PRKN: variants seen among roughly 807,000 people sequenced by gnomAD.
PRKN encodes parkin RBR E3 ubiquitin protein ligase.
In PRKN, 56 loss-of-function variants were observed where a neutral mutation model predicts 59.5. That is an observed-to-expected ratio of 0.94 (90% CI 0.76 to 1.18). The LOEUF (loss-of-function observed/expected upper bound fraction) is 1.18. PRKN is among the 50% of genes most tolerant of loss of function. PRKN has a pLI of 0.00. For missense variants in PRKN, 657 were observed against 596.4 expected (o/e 1.10, Z -1.06); for synonymous variants, 250 against 222.1 (o/e 1.13, Z -1.12).
At chr6:161,839,862 A>G (rs1450594883) in intron 6 of PRKN, among the ~76,000 whole-genome samples, 4 of 152,238 alleles carry the variant, frequency 2.6e-5, no homozygotes, top group Non-Finnish European at 5.9e-5. Context: ...AATGTATCCT[A>G]TTATAAAATT....
chr6:161,992,080 C>T (rs779010128), intron 5 of PRKN, among the ~76,000 whole-genome samples: 1 of 152,088 alleles, frequency 6.6e-6, no homozygotes, highest in Non-Finnish European at 1.5e-5. Context: ...TAGCTCACGC[C>T]TGTAATCCCA....
At chr6:161,900,900 A>G (rs1379286145) in intron 6 of PRKN, among the ~76,000 whole-genome samples, 1 of 129,486 alleles carries the variant, frequency 7.7e-6, no homozygotes, top group Non-Finnish European at 1.6e-5. Context: ...TATATAACAC[A>G]TATGTTAAAT....
intron 1 of PRKN, chr6:162,727,321 G>GGGGCGGCGGCGGGGCGAAGGTGAT: frequency 2.6e-6 from 1 of 380,912 alleles, no homozygotes; most frequent in South Asian, 3.8e-5. Flanking sequence ...GCGAAGGTGA[G>GGGGCGGCGGCGGGGCGAAGGTGAT]GGGCGGCGGC....
chr6:162,420,403 G>A (rs1021824558), intron 2 of PRKN, among the ~76,000 whole-genome samples: 2 of 152,142 alleles, frequency 1.3e-5, no homozygotes, highest in African/African-American at 4.8e-5. Flanking sequence ...CTTGGAATGA[G>A]TGCAAGTTGG....
At chr6:162,674,261 C>T (rs1261550149) in intron 1 of PRKN, among the ~76,000 whole-genome samples, 3 of 152,094 alleles carry the variant, frequency 2.0e-5, no homozygotes, top group Non-Finnish European at 4.4e-5. Flanking sequence ...AAAAGCCTAA[C>T]ATGGAAATGG....
chr6:162,444,055 A>G (rs1206058491), intron 1 of PRKN, among the ~76,000 whole-genome samples: 1 of 152,012 alleles, frequency 6.6e-6, no homozygotes, highest in Non-Finnish European at 1.5e-5. Flanking sequence ...GGGGGTGGAG[A>G]CACTAGTGAC....
At chr6:162,044,310 A>T (rs1784174714) in intron 5 of PRKN, among the ~76,000 whole-genome samples, 1 of 152,184 alleles carries the variant, frequency 6.6e-6, no homozygotes, top group South Asian at 2.1e-4. Flanking sequence ...ACGAAAAGGA[A>T]GTAATGCACC....
chr6:162,133,644 A>C (rs1781459612), intron 4 of PRKN, among the ~76,000 whole-genome samples: 1 of 152,160 alleles, frequency 6.6e-6, no homozygotes, highest in Non-Finnish European at 1.5e-5. Context: ...AATAATTTAA[A>C]AGGTATAATA....
chr6:162,209,159 A>G (rs1785085493), intron 3 of PRKN, among the ~76,000 whole-genome samples: 1 of 152,162 alleles, frequency 6.6e-6, no homozygotes, highest in Non-Finnish European at 1.5e-5. Flanking sequence ...TGAACAGACA[A>G]CCTACAGAAT....
chr6:162,537,045 G>C (rs1159370229), intron 1 of PRKN, among the ~76,000 whole-genome samples: 1 of 152,106 alleles, frequency 6.6e-6, no homozygotes, highest in Non-Finnish European at 1.5e-5. Flanking sequence ...ACTTCGAAAA[G>C]ATTCTCATAA....
intron 7 of PRKN, among the ~76,000 whole-genome samples, chr6:161,570,536 G>C (rs1042218074): frequency 6.6e-6 from 1 of 151,608 alleles, no homozygotes; most frequent in African/African-American, 2.4e-5. Flanking sequence ...GCTGTGAAGA[G>C]AATGAAGATG....
At chr6:161,425,373 C>T (rs117833737) in intron 9 of PRKN, among the ~76,000 whole-genome samples, 1 of 152,186 alleles carries the variant, frequency 6.6e-6, no homozygotes, top group Non-Finnish European at 1.5e-5. Context: ...ATCGCTGCAC[C>T]CATTGCAATC....
chr6:162,339,316 A>G (rs1477268360), intron 2 of PRKN, among the ~76,000 whole-genome samples: 22 of 134,726 alleles, frequency 1.6e-4, no homozygotes, highest in Admixed American at 1.5e-3. Flanking sequence ...CCGCCCGGCC[A>G]GCCGCGCCGT....
chr6:161,536,071 T>A (rs565539973), intron 9 of PRKN, among the ~76,000 whole-genome samples: 3 of 152,306 alleles, frequency 2.0e-5, no homozygotes, highest in Non-Finnish European at 4.4e-5. Flanking sequence ...ATACTTCTTT[T>A]TTTTCCCCAA....
At position 161,737,797 on chromosome 6, in the gene PRKN, C is replaced by T. The variant is rs75877621; in HGVS notation, c.871+47975G>A. 9.2e-3 allele frequency among the ~76,000 whole-genome samples: 1,396 copies of T among 152,274 alleles called. 25 individuals are homozygous for T. Among genetic ancestry groups the T allele is most frequent in the African/African-American group, 0.032 (1,341 of 41,560 alleles). ...GGCGAGATGGCACTCAAAAAGCAAT[C>T]GCTGTTCAGGGCAGGATGCGATTTC... On this transcript the variant is annotated intron_variant, in intron 7 of 11. Transcript: ENST00000366898.
Position 161,551,048 on chromosome 6 carries a change from T to C in PRKN, c.934-2045A>G, listed in dbSNP as rs143200551. On this transcript the variant is annotated intron_variant, in intron 8 of 11. Coordinates refer to ENST00000366898, the MANE Select transcript of PRKN (RefSeq NM_004562.3). The surrounding 1 kb of genome is among the most constrained non-coding windows in gnomAD (Gnocchi z 5.2). ...CTTTACCAGAAAAGAGGTCTAAGAG[T>C]TCGGATGGCAAACAAACTAGAATCT... Among the ~76,000 whole-genome samples the C allele has an allele frequency of 6.6e-6, 1 of 151,924 alleles. No individual in the cohort carries two copies. The highest frequency in any genetic ancestry group is 1.5e-5 in the Non-Finnish European group (1 of 67,986).
rs759309558 is a variant in PRKN, at chr6:162,710,414, C to CACACACACACACACACAA, written c.7+17247_7+17248insTTGTGTGTGTGTGTGTGT. Among the ~76,000 whole-genome samples, 344 of 150,014 alleles carry CACACACACACACACACAA rather than the reference C, an allele frequency of 2.3e-3. 4 individuals are homozygous for CACACACACACACACACAA. Among genetic ancestry groups the CACACACACACACACACAA allele is most frequent in the African/African-American group, 8.1e-3 (324 of 40,110 alleles). On this transcript the variant is annotated intron_variant, in intron 1 of 11. Transcript: ENST00000366898. ...ACACACACACACACACACACACACA[C>CACACACACACACACACAA]AACTGTTTGGTATGATGAGGAAGAA... is the stretch of plus-strand genomic sequence containing the variant.
rs1446834770 is a variant in PRKN, at chr6:161,442,746, G to A, written c.1084-55869C>T. Reference sequence around the variant, plus strand: ...TGCTTTTCAACGAAGTTGCTAGAATGCAGCCGTGGAGACGAACAGCTTACC... The same window carrying A: ...TGCTTTTCAACGAAGTTGCTAGAATACAGCCGTGGAGACGAACAGCTTACC... On this transcript the variant is annotated intron_variant, in intron 9 of 11. Coordinates refer to ENST00000366898, the MANE Select transcript of PRKN (RefSeq NM_004562.3). The surrounding 1 kb of genome is among the most constrained non-coding windows in gnomAD (Gnocchi z 4.6). Among the ~76,000 whole-genome samples the A allele has an allele frequency of 2.6e-5, 4 of 152,234 alleles. No individual in the cohort carries two copies. The highest frequency in any genetic ancestry group is 5.9e-5 in the Non-Finnish European group (4 of 68,040).
chr6:162,472,305 T>C (rs1037559840), intron 1 of PRKN, among the ~76,000 whole-genome samples: 10 of 149,974 alleles, frequency 6.7e-5, no homozygotes, highest in Admixed American at 1.3e-4. Context: ...GCTGCCCCCA[T>C]TAACTCATCA....
Sources: gnomAD v4.1 joint callset for allele counts (sites outside exome capture counted in the v4.1 genomes callset) on GRCh38, gnomAD v4.1.1 for gene constraint, Gnocchi (gnomAD v3.1) non-coding constraint, MANE v1.5 for transcripts, NCBI Gene and HGNC (gene_info 2026-07-23, HGNC 2026-07-21) for gene names.